SRRM4: variants seen among roughly 807,000 people sequenced by gnomAD.
SRRM4 encodes serine/arginine repetitive matrix protein 4.
A neutral mutation model predicts 68.9 loss-of-function variants in SRRM4; 33 were observed. The ratio of observed to expected loss-of-function variants is 0.48; its 90% CI spans 0.36 to 0.64. SRRM4 has a LOEUF of 0.64. SRRM4 is among the 30% of genes least tolerant of loss of function. The pLI, the probability that SRRM4 is intolerant of heterozygous loss-of-function variation, is 0.00. For synonymous variants in SRRM4, 318 were observed against 318.8 expected (o/e 1.00, Z 0.03); for missense variants, 817 against 827.1 (o/e 0.99, Z 0.15).
chr12:119,046,003 G>A (rs530410151), intron 1 of SRRM4, among the ~76,000 whole-genome samples: 167 of 151,958 alleles, frequency 1.1e-3, no homozygotes, highest in African/African-American at 3.6e-3. Flanking sequence ...GCTCCACTGC[G>A]CTCCAGCCTG....
chr12:119,108,574 CTTCT>C (rs1172126385), intron 2 of SRRM4, among the ~76,000 whole-genome samples: 3 of 151,926 alleles, frequency 2.0e-5, no homozygotes, highest in African/African-American at 7.3e-5. Context: ...ATGTAATGGC[CTTCT>C]TTGTCTCTTT....
At chr12:119,053,373 A>G (rs901140372) in intron 1 of SRRM4, among the ~76,000 whole-genome samples, 1 of 152,230 alleles carries the variant, frequency 6.6e-6, no homozygotes, top group Non-Finnish European at 1.5e-5. Flanking sequence ...TAGTATAGGA[A>G]ACACATGCAT....
chr12:119,156,805 C>T lies in SRRM4; in HGVS notation c.*7C>T, dbSNP rs1165955307. 4.6e-6 allele frequency: 7 copies of T among 1,515,854 alleles called. No individual in the cohort carries two copies. Among genetic ancestry groups the T allele is most frequent in the Non-Finnish European group, 4.4e-6 (5 of 1,133,010 alleles). The allele number at this position is 1,515,854 out of a possible 1,614,324, so 93.9% of individuals were successfully genotyped here. A position where few individuals can be genotyped will look rare whatever the true frequency, so the allele number is the denominator to read the frequency against. On this transcript the variant is annotated 3_prime_UTR_variant, in exon 13 of 13. Coordinates refer to ENST00000267260, the MANE Select transcript of SRRM4 (RefSeq NM_194286.4). ...CTCCAGCACGAGGCGCTAAGTGCCC[C>T]TGAGCCAGCTGCCCGTGGGGGCCCC...
chr12:119,116,644 T>C (rs1214528786), intron 3 of SRRM4, among the ~76,000 whole-genome samples: 2 of 152,136 alleles, frequency 1.3e-5, no homozygotes, highest in Non-Finnish European at 2.9e-5. Flanking sequence ...AGGGTAGCAA[T>C]TGTACCTACC....
intron 1 of SRRM4, among the ~76,000 whole-genome samples, chr12:119,101,991 G>A (rs925665461): frequency 6.6e-6 from 1 of 152,142 alleles, no homozygotes; most frequent in Admixed American, 6.5e-5. Flanking sequence ...TTCAGAATGC[G>A]TGGACTCTAA....
chr12:119,110,414 G>GC (rs1295491854), intron 2 of SRRM4, among the ~76,000 whole-genome samples: 1 of 152,188 alleles, frequency 6.6e-6, no homozygotes, highest in Non-Finnish European at 1.5e-5. Flanking sequence ...GCTATGCCCT[G>GC]CCCCCAGAGG....
intron 2 of SRRM4, among the ~76,000 whole-genome samples, chr12:119,107,794 AG>A (rs1281869527): frequency 6.6e-6 from 1 of 152,140 alleles, no homozygotes; most frequent in African/African-American, 2.4e-5. Context: ...GATTTTTTGA[AG>A]GGTTTTTTGT....
In SRRM4 at chr12:119,002,223, C is replaced by CAA. The variant is rs915365328; in HGVS notation, c.131+20222_131+20223dup. On this transcript the variant is annotated intron_variant, in intron 1 of 12. Coordinates refer to ENST00000267260, the MANE Select transcript of SRRM4 (RefSeq NM_194286.4). ...ATGCTGATTGCGAAAAGAAAAGAAG[C>CAA]AAAAAAAAAAAAATTTTTTTTCAAG... 4.2e-3 allele frequency among the ~76,000 whole-genome samples: 600 copies of CAA among 141,482 alleles called. 5 individuals are homozygous for CAA. Among genetic ancestry groups the CAA allele is most frequent in the African/African-American group, 0.015 (564 of 38,772 alleles). 92.8% of individuals were successfully genotyped at this position (141,482 alleles called of 152,430 possible). A position where few individuals can be genotyped will look rare whatever the true frequency, so the allele number is the denominator to read the frequency against.
chr12:119,021,718 A>T (rs1159986254), intron 1 of SRRM4, among the ~76,000 whole-genome samples: 1 of 152,196 alleles, frequency 6.6e-6, no homozygotes, highest in Non-Finnish European at 1.5e-5. Context: ...GCTGAGGATG[A>T]GGCTTCCAAC....
intron 1 of SRRM4, among the ~76,000 whole-genome samples, chr12:119,047,196 A>G (rs2065499616): frequency 2.0e-5 from 3 of 152,246 alleles, no homozygotes; most frequent in Admixed American, 2.0e-4. Context: ...CACAAATTTT[A>G]TAAGATGATG....
At chr12:119,002,682 CTAGGGCCACAA>C (rs1953392373) in intron 1 of SRRM4, among the ~76,000 whole-genome samples, 1 of 151,894 alleles carries the variant, frequency 6.6e-6, no homozygotes, top group Non-Finnish European at 1.5e-5. Flanking sequence ...TCTATTCAAC[CTAGGGCCACAA>C]TAGGCACCAT....
chr12:119,157,050 CA>C lies in SRRM4; in HGVS notation c.*259del. The C allele has an allele frequency of 6.4e-6, 3 of 467,762 alleles. No homozygotes were observed. The highest frequency in any genetic ancestry group is 5.5e-5 in the South Asian group (1 of 18,242). 29.0% of individuals were successfully genotyped at this position (467,762 alleles called of 1,614,324 possible). A position where few individuals can be genotyped will look rare whatever the true frequency, so the allele number is the denominator to read the frequency against. Reference sequence around the variant, plus strand: ...TGGAAAGAACCATCATCTTGTGGCACAAAAAAAGAAGAAAGAAAAGAAAACT... The same window carrying C: ...TGGAAAGAACCATCATCTTGTGGCACAAAAAAGAAGAAAGAAAAGAAAACT... On this transcript the variant is annotated 3_prime_UTR_variant, in exon 13 of 13. Coordinates refer to ENST00000267260, the MANE Select transcript of SRRM4 (RefSeq NM_194286.4). The surrounding 1 kb of genome is among the most constrained non-coding windows in gnomAD (Gnocchi z 4.1).
rs201771244 is a variant in SRRM4 at position 119,008,363 on chromosome 12, C to CAAA, written c.131+26362_131+26364dup. Among the ~76,000 whole-genome samples, 729 of 129,046 alleles carry CAAA rather than the reference C, an allele frequency of 5.6e-3. 2 individuals are homozygous for CAAA. The highest frequency in any genetic ancestry group is 0.017 in the African/African-American group (619 of 35,512). 84.7% of individuals were successfully genotyped at this position (129,046 alleles called of 152,430 possible). A position where few individuals can be genotyped will look rare whatever the true frequency, so the allele number is the denominator to read the frequency against. On this transcript the variant is annotated intron_variant, in intron 1 of 12. Coordinates refer to ENST00000267260, the MANE Select transcript of SRRM4 (RefSeq NM_194286.4). ...CTCCAGCCACAGTGAGATCCTGTCT[C>CAAA]AAAAAAAAAAAAAATGAATAAAAAG...
chr12:118,997,983 G>GA (rs1293341043), intron 1 of SRRM4, among the ~76,000 whole-genome samples: 2 of 152,074 alleles, frequency 1.3e-5, no homozygotes, highest in Non-Finnish European at 2.9e-5. Context: ...TAACTGTGTG[G>GA]AAAAAATACG....
At chr12:119,046,973 A>G (rs10849623) in intron 1 of SRRM4, among the ~76,000 whole-genome samples, 25,297 of 149,382 alleles carry the variant, frequency 0.17, 2,317 homozygotes, top group East Asian at 0.33. Context: ...CGGAGCTTGC[A>G]GTGAGCTGAG....
intron 1 of SRRM4, among the ~76,000 whole-genome samples, chr12:119,051,949 G>A (rs1367218312): frequency 6.6e-6 from 1 of 152,204 alleles, no homozygotes; most frequent in East Asian, 1.9e-4. Context: ...GCAAGTTTTG[G>A]TATTTGGTGA....
intron 2 of SRRM4, among the ~76,000 whole-genome samples, chr12:119,105,528 GGT>G (rs1318799843): frequency 6.6e-6 from 1 of 152,108 alleles, no homozygotes; most frequent in Non-Finnish European, 1.5e-5. Context: ...GGTGTGAGAT[GGT>G]ATCTCATTGT....
At position 118,982,125 on chromosome 12, in the gene SRRM4, C is replaced by T. The variant is rs980120050; in HGVS notation, c.131+112C>T. 7.5e-6 allele frequency: 10 copies of T among 1,339,658 alleles called. No individual in the cohort carries two copies. The African/African-American group carries it at 1.2e-4, about 16-fold the overall frequency. The allele number at this position is 1,339,658 out of a possible 1,614,324, so 83.0% of individuals were successfully genotyped here. On this transcript the variant is annotated intron_variant, in intron 1 of 12. Coordinates refer to ENST00000267260, the MANE Select transcript of SRRM4 (RefSeq NM_194286.4). ...GCCGGGCCAGGGCGCCTGTCTTTTC[C>T]CGTCACTACTCGGCGGCTCCCGCTG...
intron 1 of SRRM4, among the ~76,000 whole-genome samples, chr12:119,089,688 G>A (rs1193996125): frequency 2.0e-5 from 3 of 152,174 alleles, no homozygotes. Context: ...AGAACTCTGT[G>A]CTGATTGGTG....
Sources: gnomAD v4.1 joint callset for allele counts (sites outside exome capture counted in the v4.1 genomes callset) on GRCh38, gnomAD v4.1.1 for gene constraint, Gnocchi (gnomAD v3.1) non-coding constraint, MANE v1.5 for transcripts, NCBI Gene and HGNC (gene_info 2026-07-23, HGNC 2026-07-21) for gene names.